The following B3GNT5 variants were observed in gnomAD, a reference collection of about 807,000 sequenced individuals.
B3GNT5 encodes the protein lactosylceramide 1,3-N-acetyl-beta-D-glucosaminyltransferase.
B3GNT5 carries 11 observed loss-of-function variants against 25.9 expected under a neutral mutation model. That is an observed-to-expected ratio of 0.42 (90% CI 0.27 to 0.70). The LOEUF is 0.70. B3GNT5 is among the 30% of genes least tolerant of loss of function. The probability of loss-of-function intolerance (pLI) is 0.23; values close to 1 mark genes in which losing one functional copy is unlikely to be tolerated. For synonymous variants in B3GNT5, 166 were observed against 158.6 expected, an observed-to-expected ratio of 1.05 and a Z score of -0.35; for missense variants, 385 against 458.4, an observed-to-expected ratio of 0.84 and a Z score of 1.46.
At chr3:183,262,464 T>C (rs1725700225) in intron 1 of B3GNT5, among the ~76,000 whole-genome samples, 1 of 152,284 alleles carries the variant, frequency 6.6e-6, no homozygotes, top group Non-Finnish European at 1.5e-5. Context: ...CTTTGATTTT[T>C]TAAAAATATT....
rs3076579 is a variant in B3GNT5 at position 183,266,760 on chromosome 3, T to TTGATC, written c.-301-2735_-301-2731dup. Among the ~76,000 whole-genome samples, 572 of 152,318 alleles carry TTGATC rather than the reference T, an allele frequency of 3.8e-3. 5 individuals are homozygous for TTGATC. Among genetic ancestry groups the TTGATC allele is most frequent in the African/African-American group, 0.013 (550 of 41,556 alleles). On this transcript the variant is annotated intron_variant, in intron 1 of 1. Transcript: ENST00000326505. ...TGTCCAAAGGGGGAAATTACTGATA[T>TTGATC]TGATCTGTTCCTTAGAGCAGTGTTT...
intron 1 of B3GNT5, among the ~76,000 whole-genome samples, chr3:183,263,539 C>G (rs1725814000): frequency 6.6e-6 from 1 of 151,890 alleles, no homozygotes; most frequent in Non-Finnish European, 1.5e-5. Flanking sequence ...CCTCCTTTCT[C>G]TCCTTCTCCG....
chr3:183,266,968 A>G (rs956990999), intron 1 of B3GNT5, among the ~76,000 whole-genome samples: 2 of 151,774 alleles, frequency 1.3e-5, no homozygotes, highest in East Asian at 1.9e-4. Context: ...TGAATTTTTT[A>G]TAGAGATGGG....
rs1378204982 is a variant in B3GNT5, at chr3:183,267,851, C to T, written c.-301-1647C>T. On this transcript the variant is annotated intron_variant, in intron 1 of 1. Transcript: ENST00000326505. This position sits in a 1 kb window ranked among gnomAD's most constrained non-coding sequence, Gnocchi z 5.5. ...CTAGGGTCCTGACCTCCAATCCTTC[C>T]CCAGTAACCATCACTTTGAGTAAAC... 6.6e-6 allele frequency among the ~76,000 whole-genome samples: 1 copy of T among 152,244 alleles called. No homozygotes were observed. The highest frequency in any genetic ancestry group is 2.1e-4 in the South Asian group (1 of 4,822).
At chr3:183,256,648 C>T (rs570392814) in intron 1 of B3GNT5, among the ~76,000 whole-genome samples, 12 of 152,272 alleles carry the variant, frequency 7.9e-5, no homozygotes, top group Non-Finnish European at 1.5e-4. Flanking sequence ...AGCCTAAGAT[C>T]CACCTAATAT....
Position 183,270,980 on chromosome 3 carries a change from T to C in B3GNT5, c.*45T>C. On this transcript the variant is annotated 3_prime_UTR_variant, in exon 2 of 2. Transcript: ENST00000326505. This position sits in a 1 kb window ranked among gnomAD's most constrained non-coding sequence, Gnocchi z 4.5. ...GTTTTCACTGTCACTGAGTCAAACCTGGATGAAAAAAACCTTTAAATGTTC... is the reference window on the plus strand; with the variant it reads ...GTTTTCACTGTCACTGAGTCAAACCCGGATGAAAAAAACCTTTAAATGTTC... 1 of 1,495,216 alleles carries C rather than the reference T, an allele frequency of 6.7e-7. No individual in the cohort carries two copies. Among genetic ancestry groups the C allele is most frequent in the Non-Finnish European group, 8.9e-7 (1 of 1,117,758 alleles). 92.6% of individuals were successfully genotyped at this position (1,495,216 alleles called of 1,614,324 possible). A position where few individuals can be genotyped will look rare whatever the true frequency, so the allele number is the denominator to read the frequency against.
intron 1 of B3GNT5, among the ~76,000 whole-genome samples, chr3:183,261,982 AGAATT>A (rs939913362): frequency 2.8e-5 from 4 of 143,234 alleles, no homozygotes; most frequent in African/African-American, 1.1e-4. Context: ...AAAAAAGAAT[AGAATT>A]GGGCATTCAT....
chr3:183,257,292 ACT>A (rs1457881648), intron 1 of B3GNT5, among the ~76,000 whole-genome samples: 2 of 151,924 alleles, frequency 1.3e-5, no homozygotes, highest in East Asian at 1.9e-4. Flanking sequence ...GCATTTAAAC[ACT>A]CTCGGCTTTT....
At chr3:183,259,552 G>A (rs889435743) in intron 1 of B3GNT5, among the ~76,000 whole-genome samples, 1 of 152,132 alleles carries the variant, frequency 6.6e-6, no homozygotes, top group Admixed American at 6.6e-5. Context: ...CATGAAAACG[G>A]TTTTGATACA....
At position 183,273,123 on chromosome 3, in the gene B3GNT5, A is replaced by G; in HGVS notation, c.*2188A>G. ...GAAGGAAAAAACTTTTTGGTGCTCC[A>G]GTGTAGGGCTATCTTTTTAAAAAAT... On this transcript the variant is annotated 3_prime_UTR_variant, in exon 2 of 2. Transcript: ENST00000326505. 1.2e-6 allele frequency: 1 copy of G among 836,010 alleles called. No individual in the cohort carries two copies. The highest frequency in any genetic ancestry group is 1.8e-6 in the Non-Finnish European group (1 of 557,860). 51.8% of individuals were successfully genotyped at this position (836,010 alleles called of 1,614,324 possible). A position where few individuals can be genotyped will look rare whatever the true frequency, so the allele number is the denominator to read the frequency against.
Position 183,271,399 on chromosome 3 carries a change from T to C in B3GNT5, c.*464T>C, listed in dbSNP as rs1403018095. 3.6e-5 allele frequency: 6 copies of C among 167,538 alleles called. No homozygotes were observed. The highest frequency in any genetic ancestry group is 2.1e-4 in the South Asian group (1 of 4,846). 10.4% of individuals were successfully genotyped at this position (167,538 alleles called of 1,614,324 possible). A position where few individuals can be genotyped will look rare whatever the true frequency, so the allele number is the denominator to read the frequency against. On this transcript the variant is annotated 3_prime_UTR_variant, in exon 2 of 2. Transcript: ENST00000326505. Reference sequence around the variant, plus strand: ...TAGTAGGGGCAGGGAAAGGTCAGCATAGGAGAGAAAGTTCATGAATCTGGT... The same window carrying C: ...TAGTAGGGGCAGGGAAAGGTCAGCACAGGAGAGAAAGTTCATGAATCTGGT...
rs1409507486 is a variant in B3GNT5, at chr3:183,271,009, T to C, written c.*74T>C. Reference sequence around the variant, plus strand: ...TGAAAAAAACCTTTAAATGTTCGTCTATACCCTAAGTAAAATGAGGACGAA... The same window carrying C: ...TGAAAAAAACCTTTAAATGTTCGTCCATACCCTAAGTAAAATGAGGACGAA... On this transcript the variant is annotated 3_prime_UTR_variant, in exon 2 of 2. Transcript: ENST00000326505. The C allele has an allele frequency of 1.7e-5, 23 of 1,362,262 alleles. No homozygotes were observed. Among genetic ancestry groups the C allele is most frequent in the Admixed American group, 2.5e-5 (1 of 39,302 alleles). The allele number at this position is 1,362,262 out of a possible 1,614,324, so 84.4% of individuals were successfully genotyped here.
At chr3:183,268,528 T>C (rs538124157) in intron 1 of B3GNT5, among the ~76,000 whole-genome samples, 1 of 152,016 alleles carries the variant, frequency 6.6e-6, no homozygotes, top group Non-Finnish European at 1.5e-5. Context: ...CGGTTCCAGA[T>C]TTCAGGCATA....
At chr3:183,255,819 A>G (rs954406946) in intron 1 of B3GNT5, among the ~76,000 whole-genome samples, 3 of 152,128 alleles carry the variant, frequency 2.0e-5, no homozygotes, top group Non-Finnish European at 4.4e-5. Context: ...AAAAAAAAAA[A>G]AAAGAAAAAG....
chr3:183,257,348 T>G (rs1316529323), intron 1 of B3GNT5, among the ~76,000 whole-genome samples: 1 of 152,216 alleles, frequency 6.6e-6, no homozygotes, highest in African/African-American at 2.4e-5. Flanking sequence ...CAGCTTGCAC[T>G]GGAATATTTA....
rs769805950 is a variant in B3GNT5 at position 183,261,962 on chromosome 3, A to T, written c.-301-7536A>T. ...TTAGGAGGTTTTCATGTCCAGCATTAAAAAAAAAAAAAAAAGAATAGAATT... is the reference window on the plus strand; with the variant it reads ...TTAGGAGGTTTTCATGTCCAGCATTTAAAAAAAAAAAAAAAGAATAGAATT... On this transcript the variant is annotated intron_variant, in intron 1 of 1. Transcript: ENST00000326505. 7.4e-3 allele frequency among the ~76,000 whole-genome samples: 719 copies of T among 96,684 alleles called. 3 individuals are homozygous for T. The highest frequency in any genetic ancestry group is 0.011 in the Non-Finnish European group (542 of 49,230). 63.4% of individuals were successfully genotyped at this position (96,684 alleles called of 152,430 possible).
intron 1 of B3GNT5, among the ~76,000 whole-genome samples, chr3:183,255,075 T>G (rs1724917663): frequency 6.6e-6 from 1 of 152,184 alleles, no homozygotes; most frequent in Admixed American, 6.5e-5. Flanking sequence ...AGGCTCATAT[T>G]TATGGTAATT....
Position 183,270,794 on chromosome 3 carries a change from T to C in B3GNT5, c.996T>C (p.Leu332=). 6.2e-7 allele frequency: 1 copy of C among 1,614,082 alleles called. No homozygotes were observed. The highest frequency in any genetic ancestry group is 2.2e-5 in the East Asian group (1 of 44,894). Residue 332 remains leucine, a synonymous_variant, in exon 2 of 2, where the codon CTT becomes CTC. Transcript: ENST00000326505. This position sits in a 1 kb window ranked among gnomAD's most constrained non-coding sequence, Gnocchi z 4.5. ...GACACTTAGAAGATCTCCAGGACCTTTGGAAGAATGCTACAGATCCTAAAG... is the reference window on the plus strand; with the variant it reads ...GACACTTAGAAGATCTCCAGGACCTCTGGAAGAATGCTACAGATCCTAAAG... The part of the protein sequence containing the change: ...SHGHLEDLQD[L]WKNATDPKVK...
In B3GNT5 at chr3:183,267,393, G is replaced by A. The variant is rs1031183933; in HGVS notation, c.-301-2105G>A. 1.1e-4 allele frequency among the ~76,000 whole-genome samples: 17 copies of A among 152,252 alleles called. No homozygotes were observed. Among genetic ancestry groups the A allele is most frequent in the Non-Finnish European group, 2.4e-4 (16 of 68,046 alleles). ...ACCTGGCCTTTGCCTCCACCCTGAT[G>A]TGGAGTGATCATGGGGGTGGGAAAT... On this transcript the variant is annotated intron_variant, in intron 1 of 1. Transcript: ENST00000326505. This position sits in a 1 kb window ranked among gnomAD's most constrained non-coding sequence, Gnocchi z 5.5.
Sources: gnomAD v4.1 joint callset for allele counts (sites outside exome capture counted in the v4.1 genomes callset) on GRCh38, gnomAD v4.1.1 for gene constraint, Gnocchi (gnomAD v3.1) non-coding constraint, MANE v1.5 for transcripts, NCBI Gene and HGNC (gene_info 2026-07-23, HGNC 2026-07-21) for gene names.